The following DOCK7 variants were observed in gnomAD, a reference collection of about 807,000 sequenced individuals.
The protein encoded by DOCK7 is dedicator of cytokinesis protein 7.
Under a neutral mutation model 271.0 loss-of-function variants are expected in DOCK7, and 138 were observed. The observed-to-expected ratio is 0.51, with a 90% CI of 0.44 to 0.59. DOCK7 has a LOEUF of 0.59. Ranked by LOEUF, DOCK7 falls within the 20% of genes least tolerant of loss-of-function variation. The probability of loss-of-function intolerance (pLI) is 0.00; values close to 1 mark genes in which losing one functional copy is unlikely to be tolerated. For missense variants in DOCK7, 2,066 were observed against 2,592.4 expected (o/e 0.80, Z 4.41); for synonymous variants, 823 against 876.1 (o/e 0.94, Z 1.07).
At chr1:62,614,650 A>G (rs1370632656) in intron 14 of DOCK7, among the ~76,000 whole-genome samples, 2 of 152,026 alleles carry the variant, frequency 1.3e-5, no homozygotes, top group South Asian at 4.1e-4. Context: ...TTGAGCATTT[A>G]ATATGTACTG....
At chr1:62,532,017 T>C (rs997541310) in intron 29 of DOCK7, among the ~76,000 whole-genome samples, 2 of 152,108 alleles carry the variant, frequency 1.3e-5, no homozygotes, top group Non-Finnish European at 2.9e-5. Flanking sequence ...CAGGGTTACA[T>C]GGCTGAGAAT....
At chr1:62,567,345 C>T (rs1435978683) in intron 18 of DOCK7, among the ~76,000 whole-genome samples, 5 of 152,178 alleles carry the variant, frequency 3.3e-5, no homozygotes, top group African/African-American at 1.2e-4. Context: ...GGCACATATA[C>T]ACCATGGAAT....
chr1:62,659,905 C>G (rs1464122684), intron 2 of DOCK7, among the ~76,000 whole-genome samples: 2 of 152,052 alleles, frequency 1.3e-5, no homozygotes, highest in Admixed American at 1.3e-4. Context: ...TGTGTATGTA[C>G]TAAATAACAG....
intron 43 of DOCK7, among the ~76,000 whole-genome samples, chr1:62,480,868 G>T (rs1437245950): frequency 6.6e-6 from 1 of 152,100 alleles, no homozygotes; most frequent in East Asian, 1.9e-4. Flanking sequence ...CATAAGCCTG[G>T]CGCCGTGGCG....
intron 12 of DOCK7, among the ~76,000 whole-genome samples, chr1:62,623,065 T>A (rs2149598641): frequency 6.6e-6 from 1 of 152,270 alleles, no homozygotes; most frequent in Middle Eastern, 3.4e-3. Context: ...TGAGCCGACA[T>A]GCCTGGCCAA....
At chr1:62,595,924 G>A (rs1003615157) in intron 14 of DOCK7, among the ~76,000 whole-genome samples, 1 of 151,850 alleles carries the variant, frequency 6.6e-6, no homozygotes, top group Non-Finnish European at 1.5e-5. Context: ...GCAAGACCCT[G>A]TCTCTAAAAA....
intron 47 of DOCK7, 127 bp from the exon 48 acceptor site, chr1:62,474,215 G>A (rs759957766): frequency 4.6e-6 from 3 of 648,186 alleles, no homozygotes; most frequent in African/African-American, 1.8e-5. Context: ...ATATGCCTAT[G>A]CCTATATTAA....
At chr1:62,530,183 C>T (rs1416476252) in intron 29 of DOCK7, among the ~76,000 whole-genome samples, 1 of 152,192 alleles carries the variant, frequency 6.6e-6, no homozygotes, top group African/African-American at 2.4e-5. Flanking sequence ...ACTCTCTCTC[C>T]TTAAGCCTTT....
intron 37 of DOCK7, among the ~76,000 whole-genome samples, chr1:62,497,404 A>G (rs1277353461): frequency 1.3e-5 from 2 of 152,202 alleles, no homozygotes; most frequent in African/African-American, 4.8e-5. Context: ...AGATAGCACC[A>G]TCTGGATGTC....
rs200051358 is a variant in DOCK7, at chr1:62,527,498, A to C, written c.3936+653T>G. ...AACAATGATAGACTGGATTAAGAAA[A>C]CGTGGCACATATACACCATGGAATA... On this transcript the variant is annotated intron_variant, in intron 31 of 49. Transcript: ENST00000635253. Among the ~76,000 whole-genome samples the C allele has an allele frequency of 3.2e-3, 485 of 152,200 alleles. 7 individuals carry two copies. Among genetic ancestry groups the C allele is most frequent in the East Asian group, 0.028 (144 of 5,166 alleles).
intron 14 of DOCK7, among the ~76,000 whole-genome samples, chr1:62,595,565 C>A (rs553814090): frequency 6.6e-6 from 1 of 152,212 alleles, no homozygotes; most frequent in East Asian, 1.9e-4. Flanking sequence ...CTATTATACC[C>A]AAAACCCTTA....
chr1:62,597,506 C>A, intron 14 of DOCK7: 1 of 1,584,802 alleles, frequency 6.3e-7, no homozygotes, highest in Non-Finnish European at 8.6e-7. Flanking sequence ...GTTAAGAAGT[C>A]TAGGTCTGCT....
At chr1:62,521,317 T>C (rs1167620033) in intron 31 of DOCK7, among the ~76,000 whole-genome samples, 1 of 152,114 alleles carries the variant, frequency 6.6e-6, no homozygotes, top group Non-Finnish European at 1.5e-5. Flanking sequence ...GAAAAATGCA[T>C]AGGCTGAAAA....
intron 11 of DOCK7, chr1:62,628,975 C>T (rs1654281275): frequency 6.6e-6 from 1 of 152,188 alleles, no homozygotes; most frequent in South Asian, 2.1e-4. Flanking sequence ...CCAATACACA[C>T]AAAATGATGC....
chr1:62,583,130 T>C, intron 16 of DOCK7, 54 bp downstream of exon 16: 1 of 1,423,728 alleles, frequency 7.0e-7, no homozygotes, highest in Non-Finnish European at 9.9e-7. Context: ...ATGTGAGTGC[T>C]AACAATGCCA....
intron 14 of DOCK7, chr1:62,601,978 T>C (rs1650195241): frequency 1.1e-5 from 8 of 702,428 alleles, no homozygotes; most frequent in Middle Eastern, 3.2e-4. Flanking sequence ...TATACATATA[T>C]ATATGAAATA....
intron 43 of DOCK7, chr1:62,486,413 T>G (rs1246344888): frequency 6.6e-6 from 1 of 152,070 alleles, no homozygotes; most frequent in Admixed American, 6.5e-5. Flanking sequence ...TGACAACAAG[T>G]GAGAGGCAAA....
At chr1:62,467,021 G>A (rs1435712235) in intron 48 of DOCK7, among the ~76,000 whole-genome samples, 6 of 152,030 alleles carry the variant, frequency 3.9e-5, no homozygotes, top group Non-Finnish European at 1.5e-5. Context: ...AGGGTCGTAA[G>A]GACCTATAAG....
chr1:62,559,949 C>A (rs1036262608), intron 19 of DOCK7, among the ~76,000 whole-genome samples: 5 of 152,096 alleles, frequency 3.3e-5, no homozygotes, highest in African/African-American at 1.2e-4. Context: ...CAAAGGGTGC[C>A]TACGTGACAA....
Sources: gnomAD v4.1 joint callset for allele counts (sites outside exome capture counted in the v4.1 genomes callset) on GRCh38, gnomAD v4.1.1 for gene constraint, MANE v1.5 for transcripts, NCBI Gene and HGNC (gene_info 2026-07-23, HGNC 2026-07-21) for gene names.